Variants in RBFOX1 observed in about 807,000 individuals in gnomAD.
RBFOX1 encodes the protein RNA binding fox-1 homolog 1.
Under a neutral mutation model 57.7 loss-of-function variants are expected in RBFOX1, and 8 were observed. The ratio of observed to expected loss-of-function variants is 0.14; its 90% CI spans 0.08 to 0.25. The LOEUF is 0.25. Among genes scored for constraint, RBFOX1 ranks in the 10% least tolerant of loss-of-function variants. RBFOX1 has a pLI of 1.00. For missense variants in RBFOX1, 611 were observed against 548.5 expected, an observed-to-expected ratio of 1.11 and a Z score of -1.14; for synonymous variants, 326 against 222.4, an observed-to-expected ratio of 1.47 and a Z score of -4.15.
At chr16:6,940,928 C>T (rs1400060219) in intron 3 of RBFOX1, among the ~76,000 whole-genome samples, 1 of 150,552 alleles carries the variant, frequency 6.6e-6, no homozygotes. Context: ...AGGATGGTTT[C>T]GATCTCCTGA....
intron 4 of RBFOX1, among the ~76,000 whole-genome samples, chr16:7,329,799 C>T (rs1295431309): frequency 6.6e-6 from 1 of 152,108 alleles, no homozygotes; most frequent in Non-Finnish European, 1.5e-5. Flanking sequence ...TGTATCATGG[C>T]GTTCTTAAGA....
At chr16:6,223,273 C>T (rs1264177145) in intron 1 of RBFOX1, among the ~76,000 whole-genome samples, 2 of 151,084 alleles carry the variant, frequency 1.3e-5, no homozygotes, top group Admixed American at 6.6e-5. Flanking sequence ...GAGGAATCGC[C>T]ACACTGACTT....
chr16:6,308,789 C>T (rs1234389464), intron 1 of RBFOX1, among the ~76,000 whole-genome samples: 3 of 152,158 alleles, frequency 2.0e-5, no homozygotes, highest in South Asian at 4.1e-4. Flanking sequence ...TCTGGAACAG[C>T]AGGTGCCATT....
At chr16:7,435,549 A>G (rs1464709841) in intron 4 of RBFOX1, among the ~76,000 whole-genome samples, 5 of 152,166 alleles carry the variant, frequency 3.3e-5, no homozygotes, top group Non-Finnish European at 5.9e-5. Context: ...CACCTCCTTG[A>G]AGCAGCAGCA....
At chr16:5,796,027 A>G (rs1354513096) in intron 3 of RBFOX1, among the ~76,000 whole-genome samples, 1 of 152,202 alleles carries the variant, frequency 6.6e-6, no homozygotes, top group Non-Finnish European at 1.5e-5. Context: ...TGCATTGTAG[A>G]TTTCCATAGC....
intron 2 of RBFOX1, among the ~76,000 whole-genome samples, chr16:6,533,809 C>T (rs56359284): frequency 6.6e-6 from 1 of 152,162 alleles, no homozygotes; most frequent in African/African-American, 2.4e-5. Context: ...CCTTTGAAAA[C>T]TGAGCATGGT....
chr16:7,386,551 G>C (rs2097885983), intron 4 of RBFOX1, among the ~76,000 whole-genome samples: 1 of 151,882 alleles, frequency 6.6e-6, no homozygotes, highest in Admixed American at 6.5e-5. Flanking sequence ...CAAAGGACAT[G>C]ATCTCATGTT....
At chr16:7,562,008 G>C (rs142863560) in intron 5 of RBFOX1, among the ~76,000 whole-genome samples, 144 of 152,140 alleles carry the variant, frequency 9.5e-4, no homozygotes, top group Middle Eastern at 3.4e-3. Context: ...AGGAGGTTAA[G>C]AGGAGATGAG....
intron 3 of RBFOX1, among the ~76,000 whole-genome samples, chr16:6,934,403 T>C (rs1704376002): frequency 6.6e-6 from 1 of 152,190 alleles, no homozygotes; most frequent in African/African-American, 2.4e-5. Flanking sequence ...ATGATCAGTA[T>C]TTGAAAGGGA....
chr16:7,568,614 G>T (rs1036733132), intron 5 of RBFOX1, among the ~76,000 whole-genome samples: 1 of 152,016 alleles, frequency 6.6e-6, no homozygotes, highest in East Asian at 1.9e-4. Context: ...GGCTGGGCGC[G>T]GTGGCTCATG....
At chr16:6,111,212 T>C (rs540599957) in intron 1 of RBFOX1, among the ~76,000 whole-genome samples, 1 of 152,318 alleles carries the variant, frequency 6.6e-6, no homozygotes, top group African/African-American at 2.4e-5. Context: ...ACTGACTTGC[T>C]GGAACAGACG....
chr16:6,943,568 C>G (rs148814098), intron 3 of RBFOX1, among the ~76,000 whole-genome samples: 3,433 of 152,056 alleles, frequency 0.023, 97 homozygotes, highest in African/African-American at 0.061. Flanking sequence ...ATTAGCCAGG[C>G]GCGGTGGCGG....
intron 1 of RBFOX1, among the ~76,000 whole-genome samples, chr16:6,306,171 G>A (rs1051378833): frequency 9.9e-5 from 15 of 152,166 alleles, no homozygotes; most frequent in Non-Finnish European, 1.8e-4. Context: ...CTAATCAAAT[G>A]CTTATGTTTT....
At chr16:6,911,588 A>C (rs887174173) in intron 3 of RBFOX1, among the ~76,000 whole-genome samples, 1 of 152,084 alleles carries the variant, frequency 6.6e-6, no homozygotes, top group African/African-American at 2.4e-5. Context: ...TAATTTTGTT[A>C]CCTCTGTAAA....
chr16:5,893,752 G>C (rs2058096935), intron 4 of RBFOX1, among the ~76,000 whole-genome samples: 1 of 151,564 alleles, frequency 6.6e-6, no homozygotes, highest in Non-Finnish European at 1.5e-5. Flanking sequence ...GTTGCAGTGA[G>C]CCAAGATTGC....
chr16:6,572,080 A>G (rs530489094), intron 2 of RBFOX1, among the ~76,000 whole-genome samples: 10 of 152,292 alleles, frequency 6.6e-5, no homozygotes, highest in East Asian at 5.8e-4. Context: ...TTTTCTGCCA[A>G]TACACACTTA....
intron 4 of RBFOX1, among the ~76,000 whole-genome samples, chr16:7,264,393 C>G (rs1281258528): frequency 6.6e-6 from 1 of 152,212 alleles, no homozygotes; most frequent in African/African-American, 2.4e-5. Flanking sequence ...ACCCAGTCAT[C>G]TCCAGCTTAC....
At chr16:6,809,590 C>G (rs1275105938) in intron 3 of RBFOX1, among the ~76,000 whole-genome samples, 1 of 152,106 alleles carries the variant, frequency 6.6e-6, no homozygotes, top group South Asian at 2.1e-4. Context: ...CCAAAAGTGC[C>G]ATAACCTTGG....
chr16:6,310,826 A>G (rs1011551650), intron 1 of RBFOX1, among the ~76,000 whole-genome samples: 2 of 151,874 alleles, frequency 1.3e-5, no homozygotes, highest in East Asian at 1.9e-4. Context: ...GGAACATGGC[A>G]TGATTCACTG....
Sources: allele counts gnomAD v4.1 joint callset (sites outside exome capture counted in the v4.1 genomes callset), GRCh38; gene constraint gnomAD v4.1.1; transcripts MANE v1.5; gene names NCBI Gene and HGNC (gene_info 2026-07-23, HGNC 2026-07-21).